LAMA2: variants seen among roughly 807,000 people sequenced by gnomAD.
The protein encoded by LAMA2 is laminin subunit alpha 2, also known as laminin subunit alpha-2.
Under a neutral mutation model 364.8 loss-of-function variants are expected in LAMA2, and 269 were observed. The observed-to-expected ratio is 0.74, with a 90% CI of 0.67 to 0.82. LAMA2 has a LOEUF of 0.82. Among genes scored for constraint, LAMA2 ranks in the 40% least tolerant of loss-of-function variants. The pLI is 0.00. For synonymous variants in LAMA2, 1,379 were observed against 1,370.6 expected, an observed-to-expected ratio of 1.01 and a Z score of -0.14; for missense variants, 3,807 against 3,873.2, an observed-to-expected ratio of 0.98 and a Z score of 0.45.
intron 40 of LAMA2, among the ~76,000 whole-genome samples, chr6:129,424,058 G>A (rs1781208115): frequency 1.3e-5 from 2 of 151,926 alleles, no homozygotes; most frequent in Admixed American, 6.6e-5. Context: ...AGATTAAAGA[G>A]TCCAGATATA....
chr6:129,503,068 C>G, intron 59 of LAMA2, 23 bp from the exon 60 acceptor site: 1 of 1,607,740 alleles, frequency 6.2e-7, no homozygotes, highest in Non-Finnish European at 8.5e-7. Flanking sequence ...TTCTGTTTGA[C>G]TTTGCATGCT....
rs1407512178 is a variant in LAMA2, at chr6:129,349,324, G to T, written c.4463G>T (p.Gly1488Val). ...NNFSPSCVAE[G>V]LDDYRCTACP... Reference sequence around the variant, plus strand: ...TTCAGCCCCTCTTGTGTCGCAGAAGGACTTGACGACTACCGCTGCACGGCT... The same window carrying T: ...TTCAGCCCCTCTTGTGTCGCAGAAGTACTTGACGACTACCGCTGCACGGCT... The change falls in exon 31 of 65, where the codon GGA (glycine) becomes GTA (valine). Residue 1488 changes from glycine (G) to valine (V), a missense_variant. Physicochemically the swap from Gly to Val is moderately radical, Grantham distance 109. Around this residue, in one of 3 missense-constraint regions of LAMA2, gnomAD observed 3,333 missense variants for 3,345.7 expected, o/e 1.00. Coordinates refer to ENST00000421865, the MANE Select transcript of LAMA2 (RefSeq NM_000426.4). 2 of 1,613,396 alleles carry T rather than the reference G, an allele frequency of 1.2e-6. No homozygotes were observed. Among genetic ancestry groups the T allele is most frequent in the African/African-American group, 1.3e-5 (1 of 74,846 alleles).
chr6:129,059,649 C>A, intron 2 of LAMA2, 135 bp from the exon 3 acceptor site: 1 of 666,248 alleles, frequency 1.5e-6, no homozygotes, highest in Non-Finnish European at 2.7e-6. Flanking sequence ...GAATTACTCT[C>A]CTTCTGTATT....
At chr6:129,285,261 A>T (rs9321157) in intron 18 of LAMA2, among the ~76,000 whole-genome samples, 1 of 152,158 alleles carries the variant, frequency 6.6e-6, no homozygotes, top group East Asian at 1.9e-4. Context: ...ACACACACCC[A>T]TACACCAGTA....
chr6:129,425,821 T>A (rs1421833254), intron 40 of LAMA2, among the ~76,000 whole-genome samples: 1 of 152,146 alleles, frequency 6.6e-6, no homozygotes, highest in East Asian at 1.9e-4. Context: ...ATTTTATTTA[T>A]CCAGTCTGCC....
chr6:129,279,182 A>G (rs1184664770), intron 17 of LAMA2, among the ~76,000 whole-genome samples: 1 of 152,172 alleles, frequency 6.6e-6, no homozygotes, highest in Non-Finnish European at 1.5e-5. Flanking sequence ...ACCTTACAGA[A>G]TTCAAAATGG....
intron 20 of LAMA2, among the ~76,000 whole-genome samples, chr6:129,293,407 A>G (rs2114438022): frequency 6.6e-6 from 1 of 152,354 alleles, no homozygotes; most frequent in East Asian, 1.9e-4. Flanking sequence ...GCTAACTTTA[A>G]TAAATGAACA....
intron 48 of LAMA2, 88 bp from the exon 49 acceptor site, chr6:129,460,112 A>G: frequency 8.3e-7 from 1 of 1,210,360 alleles, no homozygotes; most frequent in African/African-American, 1.5e-5. Context: ...TGATAACTTT[A>G]GTTTCTGCTG....
Position 129,252,185 on chromosome 6 carries a change from A to G in LAMA2, c.1986A>G (p.Ile662Met). Reference protein sequence around the residue: ...VLLLKEESFTIHGTHFPVRRK... With the variant: ...VLLLKEESFTMHGTHFPVRRK... The stretch of plus-strand genomic sequence containing the variant: ...TACTTAAAGAAGAATCATTTACCAT[A>G]CATGGCACACATTTTCCAGTCCGTA... Residue 662 changes from isoleucine (I) to methionine (M), a missense_variant, in exon 14 of 65, where the codon ATA becomes ATG. Physicochemically the swap from Ile to Met is conservative, Grantham distance 10. Transcript: ENST00000421865. 6.2e-7 allele frequency: 1 copy of G among 1,613,724 alleles called. No homozygotes were observed. The highest frequency in any genetic ancestry group is 1.1e-5 in the South Asian group (1 of 91,078).
chr6:129,292,972 C>G (rs897774722), intron 20 of LAMA2: 2 of 985,890 alleles, frequency 2.0e-6, no homozygotes, highest in African/African-American at 3.5e-5. Context: ...GAGGAGCAGC[C>G]GCGGAGAGCG....
chr6:129,383,609 A>G (rs1414299349), intron 35 of LAMA2, among the ~76,000 whole-genome samples: 3 of 152,244 alleles, frequency 2.0e-5, no homozygotes, highest in Non-Finnish European at 4.4e-5. Flanking sequence ...TTAAAGCAGC[A>G]CTTTAGTTTC....
At chr6:128,950,752 C>T (rs941816486) in intron 1 of LAMA2, among the ~76,000 whole-genome samples, 5 of 151,912 alleles carry the variant, frequency 3.3e-5, no homozygotes, top group African/African-American at 1.2e-4. Flanking sequence ...AATAATACAT[C>T]ATATATAACA....
In LAMA2 at chr6:129,402,525, A is replaced by T. The variant is rs1780039891; in HGVS notation, c.5726+38A>T. On this transcript the variant is annotated intron_variant, in intron 39 of 64. Coordinates refer to ENST00000421865, the MANE Select transcript of LAMA2 (RefSeq NM_000426.4). ...TTTTTGGAAATGTTTGTGTATTTTG[A>T]TGCTTGTCCAAAGGTTTTGACTAGC... 3 of 1,596,674 alleles carry T rather than the reference A, an allele frequency of 1.9e-6. No individual in the cohort carries two copies. The East Asian group carries it at 6.7e-5, about 36-fold the overall frequency.
intron 16 of LAMA2, 54 bp from the exon 17 acceptor site, chr6:129,270,570 C>T: frequency 6.2e-7 from 1 of 1,603,120 alleles, no homozygotes; most frequent in Non-Finnish European, 8.5e-7. Context: ...TTTTTGGCAA[C>T]ATGTTGATCC....
At chr6:128,983,917 T>C (rs867292294) in intron 1 of LAMA2, among the ~76,000 whole-genome samples, 4 of 152,172 alleles carry the variant, frequency 2.6e-5, no homozygotes, top group Middle Eastern at 3.2e-3. Context: ...TTGGATCAGG[T>C]CAAGGTATGT....
intron 28 of LAMA2, among the ~76,000 whole-genome samples, chr6:129,325,152 G>A (rs147409515): frequency 6.6e-6 from 1 of 152,184 alleles, no homozygotes; most frequent in African/African-American, 2.4e-5. Flanking sequence ...ACATTTTTGT[G>A]TAAATTTAAT....
At chr6:129,461,094 C>T (rs1431668850) in intron 49 of LAMA2, among the ~76,000 whole-genome samples, 1 of 151,808 alleles carries the variant, frequency 6.6e-6, no homozygotes, top group Non-Finnish European at 1.5e-5. Flanking sequence ...ATCTTAGAGC[C>T]CACTTATCAC....
chr6:129,328,304 G>C lies in LAMA2; in HGVS notation c.4203G>C (p.Leu1401=). 6.2e-7 allele frequency: 1 copy of C among 1,614,146 alleles called. No homozygotes were observed. The highest frequency in any genetic ancestry group is 8.5e-7 in the Non-Finnish European group (1 of 1,180,020). ...CEACLPGFYR[L]RSQPGGRTPG... is the part of the protein sequence containing the mutation. ...CATGCTTGCCGGGATTTTATCGACT[G>C]CGTTCTCAACCAGGTGGCCGCACCC... is the stretch of plus-strand genomic sequence containing the variant. The change falls in exon 29 of 65, where the codon CTG becomes CTC. Residue 1401 remains leucine, a synonymous_variant. Transcript: ENST00000421865.
chr6:129,147,332 C>T, intron 6 of LAMA2, among the ~76,000 whole-genome samples: 1 of 150,184 alleles, frequency 6.7e-6, no homozygotes, highest in East Asian at 1.9e-4. Context: ...CTATGACAGC[C>T]TGCCTCATGA....
Sources: gnomAD v4.1 joint callset for allele counts (sites outside exome capture counted in the v4.1 genomes callset) on GRCh38, gnomAD v4.1.1 for gene constraint, gnomAD v4.1.1 regional missense constraint, MANE v1.5 for transcripts, NCBI Gene and HGNC (gene_info 2026-07-23, HGNC 2026-07-21) for gene names.